The following HSPA12A variants were observed in gnomAD, a reference collection of about 807,000 sequenced individuals.
HSPA12A encodes the protein heat shock 70 kDa protein 12A.
In HSPA12A, 28 loss-of-function variants were observed where a neutral mutation model predicts 69.2. That is an observed-to-expected ratio of 0.40 (90% CI 0.30 to 0.55). HSPA12A has a LOEUF of 0.55. HSPA12A is among the 20% of genes least tolerant of loss of function. HSPA12A has a pLI of 0.38. For missense variants in HSPA12A, 686 were observed against 900.7 expected (o/e 0.76, Z 3.05); for synonymous variants, 345 against 370.5 (o/e 0.93, Z 0.79).
chr10:116,682,695 A>G (rs959014776), intron 7 of HSPA12A, among the ~76,000 whole-genome samples: 10 of 152,052 alleles, frequency 6.6e-5, no homozygotes, highest in African/African-American at 2.4e-4. Flanking sequence ...AGGGGCTTGC[A>G]GTTCCCACAA....
At chr10:116,707,657 C>T (rs1319847991) in intron 1 of HSPA12A, among the ~76,000 whole-genome samples, 1 of 152,200 alleles carries the variant, frequency 6.6e-6, no homozygotes, top group Non-Finnish European at 1.5e-5. Context: ...CTGTAGCCAC[C>T]TGAAATTATG....
At chr10:116,837,938 G>T (rs1845744528) in intron 1 of HSPA12A, among the ~76,000 whole-genome samples, 1 of 151,862 alleles carries the variant, frequency 6.6e-6, no homozygotes, top group African/African-American at 2.4e-5. Flanking sequence ...TACTGACAGG[G>T]TTTTTCTTTT....
At chr10:116,737,825 T>C (rs1194582740) in intron 1 of HSPA12A, among the ~76,000 whole-genome samples, 2 of 152,180 alleles carry the variant, frequency 1.3e-5, no homozygotes, top group Non-Finnish European at 2.9e-5. Flanking sequence ...AGCTGCAGCC[T>C]GGGAGTCATT....
At chr10:116,752,047 A>G (rs1354232939) in intron 2 of HSPA12A, among the ~76,000 whole-genome samples, 2 of 152,226 alleles carry the variant, frequency 1.3e-5, no homozygotes, top group Non-Finnish European at 2.9e-5. Context: ...TAGCAACACA[A>G]AAATGGACCG....
chr10:116,810,161 G>C (rs1461473199), intron 2 of HSPA12A, among the ~76,000 whole-genome samples: 1 of 152,160 alleles, frequency 6.6e-6, no homozygotes, highest in Non-Finnish European at 1.5e-5. Context: ...TTTTCCCCCT[G>C]GTTTAGCCTC....
At chr10:116,818,471 T>C (rs538326923) in intron 2 of HSPA12A, among the ~76,000 whole-genome samples, 4 of 151,710 alleles carry the variant, frequency 2.6e-5, no homozygotes, top group Non-Finnish European at 5.9e-5. Flanking sequence ...TTGGCCCCTG[T>C]AGGATTGTGC....
intron 2 of HSPA12A, among the ~76,000 whole-genome samples, chr10:116,811,155 CAG>C (rs1845172556): frequency 6.6e-6 from 1 of 152,134 alleles, no homozygotes; most frequent in Admixed American, 6.5e-5. Flanking sequence ...CAATGGAAGA[CAG>C]AGGCCACCAC....
chr10:116,850,551 C>T (rs779312178), upstream of HSPA12A, among the ~76,000 whole-genome samples: 4 of 152,016 alleles, frequency 2.6e-5, no homozygotes, highest in East Asian at 5.8e-4. Flanking sequence ...GGAGTTTGCA[C>T]TATGGCAAGG....
chr10:116,776,256 G>A (rs1208538642), intron 2 of HSPA12A, among the ~76,000 whole-genome samples: 1 of 152,208 alleles, frequency 6.6e-6, no homozygotes, highest in Admixed American at 6.5e-5. Flanking sequence ...CCGTCCGCCT[G>A]GACGCCCCCC....
chr10:116,696,568 T>C (rs1849910980), intron 5 of HSPA12A, among the ~76,000 whole-genome samples: 1 of 152,122 alleles, frequency 6.6e-6, no homozygotes, highest in Admixed American at 6.6e-5. Context: ...CCTTTATAAA[T>C]TACCCAATCT....
chr10:116,719,551 TA>T (rs1850710878), intron 1 of HSPA12A, among the ~76,000 whole-genome samples: 1 of 152,222 alleles, frequency 6.6e-6, no homozygotes, highest in Admixed American at 6.5e-5. Flanking sequence ...GCTTTGCAAC[TA>T]AAAACTGATT....
At chr10:116,719,736 T>C (rs1448205624) in intron 1 of HSPA12A, among the ~76,000 whole-genome samples, 21 of 152,206 alleles carry the variant, frequency 1.4e-4, no homozygotes, top group African/African-American at 5.1e-4. Context: ...TGGCATCTCA[T>C]ATTATCTTAT....
At chr10:116,788,630 T>G (rs1326989652) in intron 2 of HSPA12A, among the ~76,000 whole-genome samples, 1 of 149,420 alleles carries the variant, frequency 6.7e-6, no homozygotes, top group Non-Finnish European at 1.5e-5. Context: ...TGGATAGCAA[T>G]GGGACTGTGC....
chr10:116,735,911 C>T (rs1167955873), intron 1 of HSPA12A, among the ~76,000 whole-genome samples: 2 of 151,730 alleles, frequency 1.3e-5, no homozygotes, highest in African/African-American at 2.4e-5. Flanking sequence ...GTGGGAGGAT[C>T]GTTTCAGCCC....
chr10:116,714,330 C>T (rs2133007020), intron 1 of HSPA12A, among the ~76,000 whole-genome samples: 1 of 152,196 alleles, frequency 6.6e-6, no homozygotes. Flanking sequence ...CTCAAACCAC[C>T]CAGGTCTGCC....
At chr10:116,743,210 G>A (rs950917102), upstream of HSPA12A, among the ~76,000 whole-genome samples, 1 of 152,238 alleles carries the variant, frequency 6.6e-6, no homozygotes, top group Non-Finnish European at 1.5e-5. Flanking sequence ...CCATATATGG[G>A]ATCCAGCTGG....
At chr10:116,799,799 G>A (rs937356156) in intron 2 of HSPA12A, among the ~76,000 whole-genome samples, 17 of 152,294 alleles carry the variant, frequency 1.1e-4, no homozygotes, top group African/African-American at 3.4e-4. Flanking sequence ...TGCTCAGCGC[G>A]TGCTTAGTGA....
At chr10:116,778,864 C>T (rs1224525657) in intron 2 of HSPA12A, among the ~76,000 whole-genome samples, 1 of 152,146 alleles carries the variant, frequency 6.6e-6, no homozygotes. Flanking sequence ...GAGCCCAGGA[C>T]GCTGAGGCTG....
chr10:116,697,823 G>A (rs2132955533), intron 5 of HSPA12A, among the ~76,000 whole-genome samples: 1 of 151,576 alleles, frequency 6.6e-6, no homozygotes, highest in Non-Finnish European at 1.5e-5. Flanking sequence ...TCCTTCAGCA[G>A]TCGCTCCTAT....
Sources: allele counts gnomAD v4.1 joint callset (sites outside exome capture counted in the v4.1 genomes callset), GRCh38; gene constraint gnomAD v4.1.1; transcripts MANE v1.5; gene names NCBI Gene and HGNC (gene_info 2026-07-23, HGNC 2026-07-21).